TRAPPC9: variants seen among roughly 807,000 people sequenced by gnomAD.
TRAPPC9 encodes the protein trafficking protein particle complex subunit 9.
A neutral mutation model predicts 124.0 loss-of-function variants in TRAPPC9; 83 were observed. The ratio of observed to expected loss-of-function variants is 0.67; its 90% CI spans 0.56 to 0.80. TRAPPC9 has a LOEUF of 0.80. TRAPPC9 is among the 30% of genes least tolerant of loss of function. The probability of loss-of-function intolerance (pLI) is 0.00; values close to 1 mark genes in which losing one functional copy is unlikely to be tolerated. For synonymous variants in TRAPPC9, 638 were observed against 617.5 expected, an observed-to-expected ratio of 1.03 and a Z score of -0.49; for missense variants, 1,302 against 1,508.3, an observed-to-expected ratio of 0.86 and a Z score of 2.27.
At chr8:140,156,975 GCCTCCCTTTCCATTCAA>G (rs1563803995) in intron 17 of TRAPPC9, among the ~76,000 whole-genome samples, 5 of 124,028 alleles carry the variant, frequency 4.0e-5, no homozygotes, top group East Asian at 2.7e-4. Flanking sequence ...CCATTCAAAA[GCCTCCCTTTCCATTCAA>G]AAGCCTCCCT....
chr8:139,739,189 C>T (rs1489493270), intron 21 of TRAPPC9, among the ~76,000 whole-genome samples: 2 of 152,064 alleles, frequency 1.3e-5, no homozygotes, highest in Non-Finnish European at 2.9e-5. Context: ...TAGAGTGGCT[C>T]CACCACCGGC....
intron 17 of TRAPPC9, among the ~76,000 whole-genome samples, chr8:140,180,781 A>G (rs2062184173): frequency 6.6e-6 from 1 of 150,434 alleles, no homozygotes; most frequent in Admixed American, 6.6e-5. Context: ...TTTTGTTCCC[A>G]TGTAATTTGT....
intron 6 of TRAPPC9, among the ~76,000 whole-genome samples, chr8:140,398,185 CT>C (rs1376734904): frequency 1.3e-5 from 2 of 152,226 alleles, no homozygotes; most frequent in Non-Finnish European, 2.9e-5. Context: ...AGTTAAACCT[CT>C]TTCTTTTGTA....
At chr8:140,083,687 G>T (rs1843998381) in intron 17 of TRAPPC9, among the ~76,000 whole-genome samples, 1 of 151,590 alleles carries the variant, frequency 6.6e-6, no homozygotes, top group South Asian at 2.1e-4. Flanking sequence ...TGTTTTTTGA[G>T]ATGGAGTCTC....
At chr8:140,245,930 T>C (rs1009169291) in intron 16 of TRAPPC9, among the ~76,000 whole-genome samples, 1 of 152,228 alleles carries the variant, frequency 6.6e-6, no homozygotes, top group Non-Finnish European at 1.5e-5. Flanking sequence ...AATGATGATA[T>C]CCGAATTCTA....
At chr8:140,442,247 T>G (rs774296214) in intron 2 of TRAPPC9, among the ~76,000 whole-genome samples, 1 of 152,210 alleles carries the variant, frequency 6.6e-6, no homozygotes, top group Non-Finnish European at 1.5e-5. Flanking sequence ...AATACTCTTA[T>G]AGTTTTTCAT....
At chr8:140,190,088 T>C (rs2062451855) in intron 17 of TRAPPC9, among the ~76,000 whole-genome samples, 1 of 152,210 alleles carries the variant, frequency 6.6e-6, no homozygotes, top group Admixed American at 6.5e-5. Flanking sequence ...CACTGTCCTA[T>C]ACCAGGAGCT....
Position 140,210,271 on chromosome 8 carries a change from G to A in TRAPPC9, c.2556+11188C>T, listed in dbSNP as rs2063026754. 3.3e-5 allele frequency among the ~76,000 whole-genome samples: 5 copies of A among 152,320 alleles called. No homozygotes were observed. The South Asian group carries it at 6.2e-4, about 19-fold the overall frequency. On this transcript the variant is annotated intron_variant, in intron 17 of 22. Coordinates refer to ENST00000438773, the MANE Select transcript of TRAPPC9 (RefSeq NM_001160372.4). ...GCAAGGCACCCAGCAGGGCCACGCC[G>A]CTGTCTTCATCTAGAAAACAGGAAT...
At chr8:139,848,044 A>G (rs1554657763) in intron 21 of TRAPPC9, among the ~76,000 whole-genome samples, 1 of 152,216 alleles carries the variant, frequency 6.6e-6, no homozygotes, top group Non-Finnish European at 1.5e-5. Context: ...CTGTCCCAGG[A>G]GCTCCATAGC....
At chr8:139,841,203 C>T (rs1207406567) in intron 21 of TRAPPC9, among the ~76,000 whole-genome samples, 1 of 152,190 alleles carries the variant, frequency 6.6e-6, no homozygotes, top group Non-Finnish European at 1.5e-5. Flanking sequence ...ATCACTCCGC[C>T]CTCCTCTTCT....
chr8:140,166,819 A>C (rs1158578792), intron 17 of TRAPPC9, among the ~76,000 whole-genome samples: 9 of 152,212 alleles, frequency 5.9e-5, no homozygotes, highest in Admixed American at 5.9e-4. Flanking sequence ...ATCCAATGAA[A>C]GAATGGCAGT....
chr8:140,204,647 A>G (rs1283049796), intron 17 of TRAPPC9, among the ~76,000 whole-genome samples: 1 of 152,016 alleles, frequency 6.6e-6, no homozygotes, highest in African/African-American at 2.4e-5. Context: ...GCCTGCCAAC[A>G]CTCACTTGCT....
At position 140,202,552 on chromosome 8, in the gene TRAPPC9, A is replaced by T. The variant is rs573710526; in HGVS notation, c.2556+18907T>A. ...CCACTTTATAAAAGTAGAAAAAATA[A>T]TAGAGAAAAACCTTTCATAGAACTT... On this transcript the variant is annotated intron_variant, in intron 17 of 22. Transcript: ENST00000438773. 1.1e-3 allele frequency among the ~76,000 whole-genome samples: 170 copies of T among 152,352 alleles called. 1 individual carries two copies. The East Asian group carries it at 0.031, about 28-fold the overall frequency.
intron 21 of TRAPPC9, among the ~76,000 whole-genome samples, chr8:139,768,161 T>TA (rs1820708559): frequency 6.6e-6 from 1 of 152,248 alleles, no homozygotes; most frequent in Non-Finnish European, 1.5e-5. Context: ...ATGTAGCCAT[T>TA]AAAAATCATA....
At chr8:140,391,502 C>T (rs556535281) in intron 7 of TRAPPC9, among the ~76,000 whole-genome samples, 6 of 151,830 alleles carry the variant, frequency 4.0e-5, no homozygotes, top group African/African-American at 1.4e-4. Flanking sequence ...CACCTAAGGT[C>T]GGGAGTTCGA....
chr8:139,938,985 A>C (rs2614716), intron 19 of TRAPPC9, among the ~76,000 whole-genome samples: 8 of 152,140 alleles, frequency 5.3e-5, no homozygotes, highest in African/African-American at 1.4e-4. Flanking sequence ...AATAAGACAA[A>C]TGAATAAAGT....
chr8:139,800,756 T>C (rs1334988135), intron 21 of TRAPPC9, among the ~76,000 whole-genome samples: 11 of 146,206 alleles, frequency 7.5e-5, no homozygotes, highest in East Asian at 6.3e-4. Context: ...ATCTTCCCTC[T>C]CTCTGGTATC....
chr8:140,059,337 C>T (rs950849401), intron 17 of TRAPPC9, among the ~76,000 whole-genome samples: 1 of 152,212 alleles, frequency 6.6e-6, no homozygotes. Flanking sequence ...AATACTACAA[C>T]TATTGATTTA....
At chr8:140,380,563 G>T (rs1428702723) in intron 7 of TRAPPC9, among the ~76,000 whole-genome samples, 1 of 149,184 alleles carries the variant, frequency 6.7e-6, no homozygotes, top group Non-Finnish European at 1.5e-5. Context: ...ACTGAGGCAG[G>T]AGAATCACTT....
Sources: allele counts gnomAD v4.1 joint callset (sites outside exome capture counted in the v4.1 genomes callset), GRCh38; gene constraint gnomAD v4.1.1; transcripts MANE v1.5; gene names NCBI Gene and HGNC (gene_info 2026-07-23, HGNC 2026-07-21).